Variants in NPHP3 observed in about 807,000 individuals in gnomAD.
The protein encoded by NPHP3 is nephrocystin-3.
A neutral mutation model predicts 171.9 loss-of-function variants in NPHP3; 123 were observed. The ratio of observed to expected loss-of-function variants is 0.72; its 90% confidence interval spans 0.62 to 0.83. NPHP3 has a LOEUF of 0.83. NPHP3 is among the 40% of genes least tolerant of loss of function. The pLI, the probability that NPHP3 is intolerant of heterozygous loss-of-function variation, is 0.00. For synonymous variants in NPHP3, 558 were observed against 579.2 expected (o/e 0.96, Z 0.52); for missense variants, 1,506 against 1,591.9 (o/e 0.95, Z 0.92).
intron 1 of NPHP3, chr3:132,721,761 A>C: frequency 1.3e-6 from 1 of 752,518 alleles, no homozygotes; most frequent in Non-Finnish European, 2.3e-6. Flanking sequence ...CGATCGTGCC[A>C]CCGCAGCGAG....
intron 16 of NPHP3, 143 bp from the exon 17 acceptor site, chr3:132,692,961 T>C: frequency 1.4e-6 from 1 of 713,150 alleles, no homozygotes; most frequent in South Asian, 1.7e-5. Context: ...AAGAAACAGA[T>C]TTATTAAAAC....
Position 132,715,164 on chromosome 3 carries a change from T to C in NPHP3, c.878A>G (p.His293Arg), listed in dbSNP as rs1422362972. The change falls in exon 5 of 27, where the codon CAT becomes CGT. Residue 293 changes from histidine (H) to arginine (R), a missense_variant. By Grantham distance (29) the His-to-Arg change is conservative. This residue lies in a region of NPHP3 where 930 missense variants were observed against 924.9 expected (regional missense o/e 1.01). Coordinates refer to ENST00000337331, the MANE Select transcript of NPHP3 (RefSeq NM_153240.5). ...TCTGACAGTGTTACTCCACAGAGAA[T>C]GTGAAAACAGAGGAGTAACTTGTAA... ...SLLQVTPLFS[H>R]SLWSNTVRCY... 3.1e-6 allele frequency: 5 copies of C among 1,610,288 alleles called. No individual in the cohort carries two copies. The highest frequency in any genetic ancestry group is 1.7e-5 in the Admixed American group (1 of 60,014).
chr3:132,693,046 T>C, intron 16 of NPHP3: 2 of 502,604 alleles, frequency 4.0e-6, no homozygotes, highest in Non-Finnish European at 7.0e-6. Context: ...ATAACACTCT[T>C]ACAGAAAAAA....
At position 132,692,082 on chromosome 3, in the gene NPHP3, T is replaced by C. The variant is rs7618345; in HGVS notation, c.2475+572A>G. Among the ~76,000 whole-genome samples the C allele has an allele frequency of 7.2e-3, 1,098 of 152,338 alleles. 10 individuals are homozygous for C. Among genetic ancestry groups the C allele is most frequent in the African/African-American group, 0.026 (1,066 of 41,570 alleles). On this transcript the variant is annotated intron_variant, in intron 17 of 26. Transcript: ENST00000337331. ...TCATACCACATTTTTACTGTAACTT[T>C]TCTGTATTTAGATACACAAATACTT...
At position 132,683,468 on chromosome 3, in the gene NPHP3, T is replaced by G. The variant is rs1163759024; in HGVS notation, c.3627A>C (p.Lys1209Asn). 6.2e-7 allele frequency: 1 copy of G among 1,613,326 alleles called. No individual in the cohort carries two copies. The highest frequency in any genetic ancestry group is 8.5e-7 in the Non-Finnish European group (1 of 1,179,414). Reference sequence around the variant, plus strand: ...CACTAGGGTGCTTTGGGCCAAAAGATTTCTGTCGAATTTCAACAGCCAATT... The same window carrying G: ...CACTAGGGTGCTTTGGGCCAAAAGAGTTCTGTCGAATTTCAACAGCCAATT... Reference protein sequence around the residue: ...LYELAVEIRQKSFGPKHPSVA... With the variant: ...LYELAVEIRQNSFGPKHPSVA... The change falls in exon 25 of 27, where the codon AAA (lysine) becomes AAC (asparagine). Residue 1209 changes from lysine to asparagine, a missense_variant. This residue lies in a region of NPHP3 where 569 missense variants were observed against 648.1 expected (regional missense o/e 0.88). Transcript: ENST00000337331.
intron 9 of NPHP3, among the ~76,000 whole-genome samples, chr3:132,703,612 C>T (rs1308727470): frequency 6.9e-6 from 1 of 144,424 alleles, no homozygotes; most frequent in African/African-American, 2.6e-5. Flanking sequence ...CAGGGTCTTG[C>T]TCTGTTACCC....
rs751048826 is a variant in NPHP3 at position 132,721,971 on chromosome 3, C to G, written c.385G>C (p.Glu129Gln). 1.2e-6 allele frequency: 2 copies of G among 1,612,664 alleles called. No individual in the cohort carries two copies. The highest frequency in any genetic ancestry group is 2.2e-5 in the South Asian group (2 of 91,046). ...GCCCAGCCCGGCGTTACCTGCAGTTCGGCCCGCAGCCGCTTGTTCTCCGTG... is the reference window on the plus strand; with the variant it reads ...GCCCAGCCCGGCGTTACCTGCAGTTGGGCCCGCAGCCGCTTGTTCTCCGTG... ...LDTENKRLRA[E>Q]LQALQKTYQK... is the part of the protein sequence containing the mutation. The change falls in exon 1 of 27, where the codon GAA becomes CAA. Residue 129 changes from glutamate (E) to glutamine (Q), a missense_variant. By Grantham distance (29) the Glu-to-Gln change is conservative (BLOSUM62 2). Coordinates refer to ENST00000337331, the MANE Select transcript of NPHP3 (RefSeq NM_153240.5).
Position 132,722,385 on chromosome 3 carries a change from T to G in NPHP3, c.-30A>C, listed in dbSNP as rs1940262034. The G allele has an allele frequency of 6.4e-7, 1 of 1,563,716 alleles. No homozygotes were observed. The highest frequency in any genetic ancestry group is 8.6e-7 in the Non-Finnish European group (1 of 1,165,722). ...TCCGTTGCCGCTACTACCTAGTGAGTACCAGCAGGACTGGGCAGCGGAACG... is the reference window on the plus strand; with the variant it reads ...TCCGTTGCCGCTACTACCTAGTGAGGACCAGCAGGACTGGGCAGCGGAACG... On this transcript the variant is annotated 5_prime_UTR_variant, in exon 1 of 27. Coordinates refer to ENST00000337331, the MANE Select transcript of NPHP3 (RefSeq NM_153240.5).
intron 3 of NPHP3, among the ~76,000 whole-genome samples, chr3:132,717,761 T>C (rs1560016619): frequency 7.0e-6 from 1 of 142,952 alleles, no homozygotes; most frequent in African/African-American, 2.6e-5. Flanking sequence ...TCTTTTTTTT[T>C]TTTTTTTTTT....
intron 7 of NPHP3, among the ~76,000 whole-genome samples, chr3:132,706,282 C>A (rs1308520561): frequency 2.6e-5 from 4 of 151,314 alleles, no homozygotes; most frequent in Non-Finnish European, 5.9e-5. Flanking sequence ...TGGCGTGAAC[C>A]CGGGAGGCGG....
intron 3 of NPHP3, chr3:132,718,024 T>C (rs148960132): frequency 4.5e-6 from 2 of 444,228 alleles, no homozygotes; most frequent in South Asian, 3.2e-5. Context: ...AAAGTGCTGG[T>C]ATTACAGGCA....
intron 9 of NPHP3, among the ~76,000 whole-genome samples, chr3:132,703,611 GCT>G (rs1939673560): frequency 7.6e-6 from 1 of 131,260 alleles, no homozygotes; most frequent in African/African-American, 2.9e-5. Context: ...ACAGGGTCTT[GCT>G]CTGTTACCCA....
intron 1 of NPHP3, among the ~76,000 whole-genome samples, chr3:132,720,184 G>A (rs892311350): frequency 1.3e-5 from 2 of 152,354 alleles, no homozygotes; most frequent in Middle Eastern, 3.4e-3. Flanking sequence ...GTAGTTCTAA[G>A]AGACTGTGTG....
At chr3:132,689,985 T>C (rs1273218463) in intron 19 of NPHP3, among the ~76,000 whole-genome samples, 1 of 152,126 alleles carries the variant, frequency 6.6e-6, no homozygotes, top group Non-Finnish European at 1.5e-5. Flanking sequence ...TCATGAAGCT[T>C]AGTAGGTTAG....
intron 3 of NPHP3, 56 bp from the exon 4 acceptor site, chr3:132,716,965 C>G: frequency 6.5e-7 from 1 of 1,544,040 alleles, no homozygotes. Context: ...TGTTCAAAAA[C>G]TCATCACATA....
chr3:132,695,976 G>C (rs1390983026), intron 15 of NPHP3, among the ~76,000 whole-genome samples: 2 of 152,048 alleles, frequency 1.3e-5, no homozygotes, highest in Admixed American at 1.3e-4. Flanking sequence ...GCAATGTAAA[G>C]TTTCAGAAGA....
At chr3:132,699,704 G>C (rs1024730902) in intron 12 of NPHP3, among the ~76,000 whole-genome samples, 1 of 152,082 alleles carries the variant, frequency 6.6e-6, no homozygotes, top group Non-Finnish European at 1.5e-5. Flanking sequence ...TTTGTTAATT[G>C]TGTAAATTCA....
Position 132,692,651 on chromosome 3 carries a change from T to C in NPHP3, c.2475+3A>G, listed in dbSNP as rs201981598. ...AATAAAAAGATGCCTAAAATAACAT[T>C]ACCTGCAGATGTTGAAACCTAAGCA... On this transcript the variant is annotated splice_donor_region_variant and intron_variant, in intron 17 of 26. Coordinates refer to ENST00000337331, the MANE Select transcript of NPHP3 (RefSeq NM_153240.5). 3.7e-5 allele frequency: 59 copies of C among 1,613,186 alleles called. No homozygotes were observed. Among genetic ancestry groups the C allele is most frequent in the Non-Finnish European group, 4.7e-5 (56 of 1,179,266 alleles).
chr3:132,686,109 A>G (rs549475965), intron 23 of NPHP3, 151 bp downstream of exon 23: 4 of 715,200 alleles, frequency 5.6e-6, no homozygotes, highest in African/African-American at 5.3e-5. Flanking sequence ...GTCTTTAGGT[A>G]TGTGTATGCT....
Sources: gnomAD v4.1 joint callset for allele counts (sites outside exome capture counted in the v4.1 genomes callset) on GRCh38, gnomAD v4.1.1 for gene constraint, gnomAD v4.1.1 regional missense constraint, MANE v1.5 for transcripts, NCBI Gene and HGNC (gene_info 2026-07-23, HGNC 2026-07-21) for gene names.